Variants in CALD1 observed in about 807,000 individuals in gnomAD.
CALD1 encodes the protein caldesmon.
Under a neutral mutation model 99.9 loss-of-function variants are expected in CALD1, and 33 were observed. That is an observed-to-expected ratio of 0.33 (90% CI 0.25 to 0.44). The LOEUF (loss-of-function observed/expected upper bound fraction) is 0.44, where lower values mean the gene tolerates loss of function less well. CALD1 is among the 20% of genes least tolerant of loss of function. The pLI is 1.00. For synonymous variants in CALD1, 310 were observed against 325.0 expected, an observed-to-expected ratio of 0.95 and a Z score of 0.50; for missense variants, 861 against 962.1, an observed-to-expected ratio of 0.89 and a Z score of 1.39.
intron 7 of CALD1, among the ~76,000 whole-genome samples, chr7:134,945,751 T>C (rs752122813): frequency 1.4e-4 from 22 of 152,232 alleles, no homozygotes; most frequent in Non-Finnish European, 2.8e-4. Context: ...TCCAGTTGTA[T>C]TGGGGTCAAA....
chr7:134,840,954 A>G (rs1269502590), intron 1 of CALD1, among the ~76,000 whole-genome samples: 1 of 152,210 alleles, frequency 6.6e-6, no homozygotes, highest in Non-Finnish European at 1.5e-5. Context: ...TCTCTTAGAA[A>G]TAATAGAGAA....
At chr7:134,791,485 C>T (rs939072879) in intron 1 of CALD1, among the ~76,000 whole-genome samples, 4 of 152,064 alleles carry the variant, frequency 2.6e-5, no homozygotes, top group African/African-American at 9.7e-5. Flanking sequence ...GGGACCATGC[C>T]CGGCCACAAC....
intron 2 of CALD1, among the ~76,000 whole-genome samples, chr7:134,855,515 G>A (rs1220132059): frequency 1.3e-5 from 2 of 152,174 alleles, no homozygotes; most frequent in Non-Finnish European, 2.9e-5. Context: ...ATGCAGAAAA[G>A]ATATTGGGAG....
At chr7:134,864,404 CTTT>C (rs34915812) in intron 2 of CALD1, among the ~76,000 whole-genome samples, 1 of 142,590 alleles carries the variant, frequency 7.0e-6, no homozygotes, top group African/African-American at 2.6e-5. Context: ...TTTTTCTTTC[CTTT>C]TTTTTTTTTG....
At chr7:134,891,636 G>T (rs1412676056) in intron 3 of CALD1, 1 of 1,608,988 alleles carries the variant, frequency 6.2e-7, no homozygotes, top group South Asian at 1.1e-5. Flanking sequence ...GGGTGGATCC[G>T]GATCGCATGG....
chr7:134,759,632 C>G (rs1313883804), intron 1 of CALD1, among the ~76,000 whole-genome samples: 1 of 152,170 alleles, frequency 6.6e-6, no homozygotes, highest in Non-Finnish European at 1.5e-5. Flanking sequence ...CAAGATGCCC[C>G]TGGACAGAGG....
intron 7 of CALD1, chr7:134,944,653 T>C (rs1250799437): frequency 6.6e-6 from 1 of 152,152 alleles, no homozygotes; most frequent in Admixed American, 6.5e-5. Context: ...GTAAATGATG[T>C]TAGGGTGTGA....
intron 3 of CALD1, among the ~76,000 whole-genome samples, chr7:134,925,887 T>C (rs1642309010): frequency 6.6e-6 from 1 of 152,160 alleles, no homozygotes; most frequent in Admixed American, 6.5e-5. Context: ...TCCAGAGATG[T>C]AGAAAAGCAA....
intron 1 of CALD1, among the ~76,000 whole-genome samples, chr7:134,828,305 A>C (rs757784978): frequency 3.7e-4 from 57 of 152,378 alleles, no homozygotes; most frequent in Non-Finnish European, 7.6e-4. Context: ...ATATTTTTAA[A>C]TGTGGCTGGA....
intron 9 of CALD1, among the ~76,000 whole-genome samples, chr7:134,953,695 A>T (rs1344481458): frequency 4.3e-4 from 61 of 142,610 alleles, no homozygotes; most frequent in Middle Eastern, 3.6e-3. Flanking sequence ...AGAAACTACA[A>T]CCTACCCTAC....
At chr7:134,834,855 A>C (rs1799368872) in intron 1 of CALD1, among the ~76,000 whole-genome samples, 1 of 152,226 alleles carries the variant, frequency 6.6e-6, no homozygotes, top group Non-Finnish European at 1.5e-5. Context: ...AGTCAAAAGG[A>C]GACTGATCAG....
chr7:134,890,016 C>T (rs1482537365), intron 3 of CALD1, among the ~76,000 whole-genome samples: 1 of 152,156 alleles, frequency 6.6e-6, no homozygotes, highest in Non-Finnish European at 1.5e-5. Flanking sequence ...TCAAGCAATT[C>T]TCCTGCCGCA....
chr7:134,758,569 T>C (rs1052880859), intron 1 of CALD1, among the ~76,000 whole-genome samples: 7 of 151,402 alleles, frequency 4.6e-5, no homozygotes, highest in Non-Finnish European at 8.8e-5. Flanking sequence ...GAGAAGTTAC[T>C]AATTGCCACC....
chr7:134,923,947 A>G lies in CALD1; in HGVS notation c.72-4807A>G, dbSNP rs147150105. Among the ~76,000 whole-genome samples, 935 of 152,324 alleles carry G rather than the reference A, an allele frequency of 6.1e-3. 5 individuals carry two copies. The highest frequency in any genetic ancestry group is 9.8e-3 in the Non-Finnish European group (668 of 68,024). ...AGTCTGTAATAATGTCCTTAGCAGC[A>G]TTGTTTATAAGAAGATATAAAGTTG... On this transcript the variant is annotated intron_variant, in intron 3 of 14. Coordinates refer to ENST00000361675, the MANE Select transcript of CALD1 (RefSeq NM_033138.4).
intron 2 of CALD1, among the ~76,000 whole-genome samples, chr7:134,859,342 G>C (rs2132270270): frequency 6.6e-6 from 1 of 152,334 alleles, no homozygotes; most frequent in Admixed American, 6.5e-5. Flanking sequence ...ACACAAGGTA[G>C]TGGAGAATTT....
chr7:134,770,433 T>C (rs1796867742), intron 1 of CALD1, among the ~76,000 whole-genome samples: 2 of 152,182 alleles, frequency 1.3e-5, no homozygotes, highest in Non-Finnish European at 2.9e-5. Context: ...TGGCTTTTTC[T>C]GGGGCCCTGA....
At chr7:134,841,116 G>A (rs1406578506) in intron 1 of CALD1, among the ~76,000 whole-genome samples, 1 of 152,094 alleles carries the variant, frequency 6.6e-6, no homozygotes, top group African/African-American at 2.4e-5. Flanking sequence ...AAAGATGGTA[G>A]AAATAAATCA....
At chr7:134,725,279 T>G in the CALD1 span, among the ~76,000 whole-genome samples, 1 of 152,174 alleles carries the variant, frequency 6.6e-6, no homozygotes, top group Non-Finnish European at 1.5e-5. Flanking sequence ...GTGATATCTC[T>G]CCTCAGGCCT....
chr7:134,959,142 G>A (rs1038612696), intron 11 of CALD1, among the ~76,000 whole-genome samples: 1 of 151,614 alleles, frequency 6.6e-6, no homozygotes, highest in Non-Finnish European at 1.5e-5. Flanking sequence ...GCCCACTGCA[G>A]CTGACTGTCT....
Sources: allele counts gnomAD v4.1 joint callset (sites outside exome capture counted in the v4.1 genomes callset), GRCh38; gene constraint gnomAD v4.1.1; transcripts MANE v1.5; gene names NCBI Gene and HGNC (gene_info 2026-07-23, HGNC 2026-07-21).